Variants in TMIGD1 observed in about 807,000 individuals in gnomAD.
TMIGD1 encodes the protein transmembrane and immunoglobulin domain-containing protein 1.
TMIGD1 carries 29 observed loss-of-function variants against 27.5 expected under a neutral mutation model. The observed-to-expected ratio is 1.05, with a 90% CI of 0.78 to 1.44. The LOEUF (loss-of-function observed/expected upper bound fraction) is 1.44, where lower values mean the gene tolerates loss of function less well. TMIGD1 is among the 40% of genes most tolerant of loss of function. TMIGD1 has a pLI of 0.00. For missense variants in TMIGD1, 334 were observed against 310.6 expected (o/e 1.08, Z -0.57); for synonymous variants, 109 against 110.3 (o/e 0.99, Z 0.07).
intron 3 of TMIGD1, among the ~76,000 whole-genome samples, chr17:30,327,315 G>A (rs1296391192): frequency 6.6e-6 from 1 of 152,100 alleles, no homozygotes. Flanking sequence ...TACTTGGAAG[G>A]CTGAGGCAGG....
At chr17:30,330,449 CA>C in intron 2 of TMIGD1, among the ~76,000 whole-genome samples, 3 of 152,074 alleles carry the variant, frequency 2.0e-5, no homozygotes, top group Admixed American at 2.0e-4. Flanking sequence ...AAACTTTAGG[CA>C]AAAAGGCAGA....
intron 4 of TMIGD1, among the ~76,000 whole-genome samples, chr17:30,319,769 A>G (rs1420865528): frequency 6.6e-6 from 1 of 152,002 alleles, no homozygotes. Flanking sequence ...CCTCAAAAGC[A>G]GTGGGGAGCC....
chr17:30,326,349 T>A (rs1352110513), intron 3 of TMIGD1, among the ~76,000 whole-genome samples: 1 of 152,224 alleles, frequency 6.6e-6, no homozygotes, highest in Non-Finnish European at 1.5e-5. Context: ...AAAGCTAAGA[T>A]CCAAGCTGGT....
intron 4 of TMIGD1, among the ~76,000 whole-genome samples, chr17:30,321,772 T>TA (rs1909629373): frequency 6.6e-6 from 1 of 152,194 alleles, no homozygotes; most frequent in Non-Finnish European, 1.5e-5. Context: ...ACCTTAAGAT[T>TA]ATGAAATAGG....
chr17:30,317,586 C>T (rs538066105), intron 5 of TMIGD1, among the ~76,000 whole-genome samples: 1 of 152,096 alleles, frequency 6.6e-6, no homozygotes, highest in East Asian at 1.9e-4. Flanking sequence ...TGGTGAAACC[C>T]TGTCTCTACT....
chr17:30,329,193 C>G, intron 3 of TMIGD1, 58 bp downstream of exon 3: 1 of 1,569,668 alleles, frequency 6.4e-7, no homozygotes, highest in Non-Finnish European at 8.7e-7. Context: ...TTTCAACTAC[C>G]ACTTCATGTG....
intron 1 of TMIGD1, 100 bp from the exon 2 acceptor site, chr17:30,332,258 A>T (rs1039623858): frequency 1.6e-6 from 1 of 639,004 alleles, no homozygotes. Flanking sequence ...GTCCCAGATG[A>T]ATCATCCCAG....
At chr17:30,328,142 C>A (rs1317256858) in intron 3 of TMIGD1, among the ~76,000 whole-genome samples, 1 of 150,940 alleles carries the variant, frequency 6.6e-6, no homozygotes, top group Non-Finnish European at 1.5e-5. Context: ...TCAAGCAATT[C>A]TCCTGCCTCA....
intron 3 of TMIGD1, among the ~76,000 whole-genome samples, chr17:30,327,944 T>C (rs78029418): frequency 0.01 from 1,572 of 152,202 alleles, 15 homozygotes; most frequent in African/African-American, 0.026. Flanking sequence ...TATACAGTTC[T>C]ACCAATGGGT....
chr17:30,329,550 T>A (rs201524620), intron 2 of TMIGD1, 21 bp from the exon 3 acceptor site: 451 of 1,597,686 alleles, frequency 2.8e-4, no homozygotes, highest in Non-Finnish European at 3.7e-4. Context: ...AGGGAGAAAC[T>A]ATTTAGATAT....
At position 30,316,476 on chromosome 17, in the gene TMIGD1, A is replaced by T; in HGVS notation, c.*211T>A. The T allele has an allele frequency of 1.9e-6, 1 of 535,066 alleles. No individual in the cohort carries two copies. Among genetic ancestry groups the T allele is most frequent in the East Asian group, 3.2e-5 (1 of 31,696 alleles). The allele number at this position is 535,066 out of a possible 1,614,324, so 33.1% of individuals were successfully genotyped here. On this transcript the variant is annotated 3_prime_UTR_variant, in exon 7 of 7. Coordinates refer to ENST00000328886, the MANE Select transcript of TMIGD1 (RefSeq NM_206832.3). Reference sequence around the variant, plus strand: ...AACATATACTTCAAGGAGAAGACTTAACAAAATCTTACTTTTCATTCTTAA... The same window carrying T: ...AACATATACTTCAAGGAGAAGACTTTACAAAATCTTACTTTTCATTCTTAA...
intron 3 of TMIGD1, among the ~76,000 whole-genome samples, chr17:30,326,001 AAGATAGAGAC>A (rs1302426952): frequency 6.6e-6 from 1 of 152,204 alleles, no homozygotes; most frequent in Non-Finnish European, 1.5e-5. Flanking sequence ...AACTAGGAAA[AAGATAGAGAC>A]GGAGAAGGAG....
At chr17:30,329,154 T>C in intron 3 of TMIGD1, 97 bp downstream of exon 3, 3 of 1,449,862 alleles carry the variant, frequency 2.1e-6, no homozygotes, top group Non-Finnish European at 2.8e-6. Context: ...GAGCATAAAT[T>C]GGGCAATTTG....
intron 4 of TMIGD1, among the ~76,000 whole-genome samples, chr17:30,322,702 A>G (rs892145332): frequency 6.6e-6 from 1 of 152,046 alleles, no homozygotes; most frequent in Non-Finnish European, 1.5e-5. Context: ...GGGTTTCACC[A>G]TATTGGTCAG....
intron 4 of TMIGD1, among the ~76,000 whole-genome samples, chr17:30,324,533 T>C (rs1443756990): frequency 6.6e-6 from 1 of 152,190 alleles, no homozygotes; most frequent in African/African-American, 2.4e-5. Context: ...GGAGAATTCA[T>C]GGAAATACTC....
Position 30,319,235 on chromosome 17 carries a change from C to G in TMIGD1, c.641-322G>C, listed in dbSNP as rs1909525067. Among the ~76,000 whole-genome samples, 3 of 65,066 alleles carry G rather than the reference C, an allele frequency of 4.6e-5. No homozygotes were observed. In the South Asian group the frequency reaches 1.2e-3, roughly 27 times the overall value. The allele number at this position is 65,066 out of a possible 152,430, so 42.7% of individuals were successfully genotyped here. A position where few individuals can be genotyped will look rare whatever the true frequency, so the allele number is the denominator to read the frequency against. On this transcript the variant is annotated intron_variant, in intron 4 of 6. Transcript: ENST00000328886. The stretch of plus-strand genomic sequence containing the variant: ...CCTGGCCCACATGGTGAAACCCCAT[C>G]TGTAAAAAAAAAAGAAAAAAAAAAA...
In TMIGD1 at chr17:30,329,215, A is replaced by G. The variant is rs755138856; in HGVS notation, c.361+36T>C. Reference sequence around the variant, plus strand: ...TACCACTTCATGTGTTACAGACATTACAGACCCACTAGCTGTTTCTTTTCC... The same window carrying G: ...TACCACTTCATGTGTTACAGACATTGCAGACCCACTAGCTGTTTCTTTTCC... On this transcript the variant is annotated intron_variant, in intron 3 of 6. Transcript: ENST00000328886. 1.9e-6 allele frequency: 3 copies of G among 1,603,096 alleles called. No homozygotes were observed. In the South Asian group the frequency reaches 3.3e-5, roughly 18 times the overall value.
rs756441816 is a variant in TMIGD1, at chr17:30,317,174, C to T, written c.785+19G>A. On this transcript the variant is annotated intron_variant, in intron 6 of 6. Transcript: ENST00000328886. ...ATCTGCTTATTTAAAAAGCACTGGT[C>T]CCGGCCTAGAGTACTTACAGAGCTG... The T allele has an allele frequency of 1.9e-6, 3 of 1,613,836 alleles. No individual in the cohort carries two copies. The highest frequency in any genetic ancestry group is 3.3e-5 in the Admixed American group (2 of 60,014).
intron 5 of TMIGD1, among the ~76,000 whole-genome samples, chr17:30,318,292 G>A (rs1029871081): frequency 6.6e-6 from 1 of 152,104 alleles, no homozygotes; most frequent in African/African-American, 2.4e-5. Flanking sequence ...GAATTAGCTG[G>A]CAGAGTCAAA....
Sources: allele counts gnomAD v4.1 joint callset (sites outside exome capture counted in the v4.1 genomes callset), GRCh38; gene constraint gnomAD v4.1.1; transcripts MANE v1.5; gene names NCBI Gene and HGNC (gene_info 2026-07-23, HGNC 2026-07-21).